The following DHX40 variants were observed in gnomAD, a reference collection of about 807,000 sequenced individuals.
The protein encoded by DHX40 is DEAH-box helicase 40.
A neutral mutation model predicts 89.6 loss-of-function variants in DHX40; 28 were observed. The ratio of observed to expected loss-of-function variants is 0.31; its 90% CI spans 0.23 to 0.43. The LOEUF is 0.43. Among genes scored for constraint, DHX40 ranks in the 20% least tolerant of loss-of-function variants. The pLI, the probability that DHX40 is intolerant of heterozygous loss-of-function variation, is 1.00. For missense variants in DHX40, 457 were observed against 844.0 expected, an observed-to-expected ratio of 0.54 and a Z score of 5.68; for synonymous variants, 226 against 283.6, an observed-to-expected ratio of 0.80 and a Z score of 2.04.
chr17:59,581,129 GT>G (rs574717711), intron 10 of DHX40, among the ~76,000 whole-genome samples: 1 of 147,794 alleles, frequency 6.8e-6, no homozygotes. Flanking sequence ...AAAGTGGAGT[GT>G]TTTTTTTGTA....
chr17:59,606,886 A>G (rs1484051623), intron 17 of DHX40, 147 bp from the exon 18 acceptor site: 5 of 740,136 alleles, frequency 6.8e-6, no homozygotes, highest in South Asian at 2.0e-5. Flanking sequence ...CATAGACTAC[A>G]TTGCTTTTGA....
chr17:59,576,778 TAGAC>T (rs976104803), intron 7 of DHX40, among the ~76,000 whole-genome samples: 9 of 152,172 alleles, frequency 5.9e-5, no homozygotes, highest in Non-Finnish European at 8.8e-5. Flanking sequence ...AATATGTACA[TAGAC>T]ATATATTATT....
intron 6 of DHX40, among the ~76,000 whole-genome samples, chr17:59,574,580 G>A (rs1025031868): frequency 4.7e-5 from 7 of 150,382 alleles, no homozygotes; most frequent in African/African-American, 1.7e-4. Flanking sequence ...TATGTCAAAT[G>A]TCAAAGACAT....
intron 14 of DHX40, among the ~76,000 whole-genome samples, chr17:59,602,108 T>G (rs1206269663): frequency 6.6e-6 from 1 of 152,176 alleles, no homozygotes; most frequent in Non-Finnish European, 1.5e-5. Flanking sequence ...AGTTGTGTCT[T>G]TGTGCACTTC....
chr17:59,605,253 CT>C, intron 16 of DHX40, 69 bp downstream of exon 16: 1 of 1,480,072 alleles, frequency 6.8e-7, no homozygotes, highest in Non-Finnish European at 9.4e-7. Flanking sequence ...ATACAAATGT[CT>C]TCTACTTTTC....
rs2048709345 is a variant in DHX40 at position 59,566,662 on chromosome 17, A to G, written c.148A>G (p.Thr50Ala). Reference sequence around the variant, plus strand: ...ATGCACGTCCCAGGAGGGAGGAACTACTCCAACTTTTCCTATTCAGAAACA... The same window carrying G: ...ATGCACGTCCCAGGAGGGAGGAACTGCTCCAACTTTTCCTATTCAGAAACA... ...KGCTSQEGGTTPTFPIQKQRK... is the reference protein window; with the variant it reads ...KGCTSQEGGTAPTFPIQKQRK... The change falls in exon 2 of 18, where the codon ACT (threonine) becomes GCT (alanine). Residue 50 changes from threonine (T) to alanine (A), a missense_variant. Transcript: ENST00000251241. 1.2e-6 allele frequency: 2 copies of G among 1,603,034 alleles called. No homozygotes were observed. Among genetic ancestry groups the G allele is most frequent in the African/African-American group, 2.7e-5 (2 of 74,054 alleles).
At chr17:59,571,469 A>T (rs914886510) in intron 3 of DHX40, among the ~76,000 whole-genome samples, 10 of 152,090 alleles carry the variant, frequency 6.6e-5, no homozygotes, top group Non-Finnish European at 1.5e-4. Context: ...AAAAAAAAAA[A>T]AAAATGTGTT....
At chr17:59,576,900 C>T (rs1186728703) in intron 7 of DHX40, among the ~76,000 whole-genome samples, 8 of 149,690 alleles carry the variant, frequency 5.3e-5, no homozygotes, top group African/African-American at 9.9e-5. Flanking sequence ...GATGGAGTCT[C>T]GCTCTGTCGC....
chr17:59,581,367 ATCT>A (rs1188216310), intron 10 of DHX40, among the ~76,000 whole-genome samples: 6 of 63,860 alleles, frequency 9.4e-5, no homozygotes, highest in Non-Finnish European at 1.5e-4. Context: ...GGAAAGTACT[ATCT>A]TCTTTATTTT....
intron 10 of DHX40, among the ~76,000 whole-genome samples, chr17:59,580,737 C>T (rs941572783): frequency 2.7e-5 from 4 of 150,752 alleles, no homozygotes; most frequent in South Asian, 2.1e-4. Context: ...CTGCAGTGAG[C>T]CATGATTGCA....
At chr17:59,591,089 A>G (rs1190144653) in intron 12 of DHX40, among the ~76,000 whole-genome samples, 1 of 151,556 alleles carries the variant, frequency 6.6e-6, no homozygotes, top group African/African-American at 2.4e-5. Flanking sequence ...CAGGTGGGTC[A>G]CCTGAGGTCA....
chr17:59,588,145 G>A, intron 12 of DHX40, 92 bp downstream of exon 12: 1 of 1,555,056 alleles, frequency 6.4e-7, no homozygotes, highest in Non-Finnish European at 8.7e-7. Flanking sequence ...CTTTGGGAGG[G>A]CAAGGCAGGT....
chr17:59,568,314 AG>A (rs531989164), intron 2 of DHX40, among the ~76,000 whole-genome samples: 38 of 152,336 alleles, frequency 2.5e-4, no homozygotes, highest in African/African-American at 8.9e-4. Flanking sequence ...TTCTGTCATA[AG>A]GTTTGTAAAG....
Position 59,599,497 on chromosome 17 carries a change from T to A in DHX40, c.1806+14T>A, listed in dbSNP as rs1567895628. ...AAGCTTAAACAGGTGATTGCCGTAA[T>A]GTTTTTTTTCTTGAGTAGCATTTTG... On this transcript the variant is annotated intron_variant, in intron 14 of 17. Transcript: ENST00000251241. 1 of 1,610,856 alleles carries A rather than the reference T, an allele frequency of 6.2e-7. No individual in the cohort carries two copies. Among genetic ancestry groups the A allele is most frequent in the East Asian group, 2.2e-5 (1 of 44,724 alleles).
At chr17:59,601,063 G>A (rs1598177457) in intron 14 of DHX40, among the ~76,000 whole-genome samples, 1 of 151,332 alleles carries the variant, frequency 6.6e-6, no homozygotes, top group East Asian at 1.9e-4. Flanking sequence ...TAGCACTTTG[G>A]GAAGCCGTAG....
intron 12 of DHX40, among the ~76,000 whole-genome samples, chr17:59,596,476 G>A (rs2030083484): frequency 6.6e-6 from 1 of 152,230 alleles, no homozygotes; most frequent in Admixed American, 6.5e-5. Flanking sequence ...GCTGAGACAG[G>A]AGAGTCCCTT....
chr17:59,571,371 G>A (rs1309583842), intron 3 of DHX40, among the ~76,000 whole-genome samples: 2 of 151,222 alleles, frequency 1.3e-5, no homozygotes, highest in Non-Finnish European at 2.9e-5. Context: ...GCAGGAAAAT[G>A]GCTTGAACCC....
intron 3 of DHX40, among the ~76,000 whole-genome samples, chr17:59,571,924 T>A (rs1194331895): frequency 1.3e-5 from 2 of 152,166 alleles, no homozygotes; most frequent in Non-Finnish European, 2.9e-5. Flanking sequence ...GGGTACCTCA[T>A]TCAAGTGGAA....
chr17:59,605,348 T>C, intron 16 of DHX40, 98 bp from the exon 17 acceptor site: 4 of 1,354,652 alleles, frequency 3.0e-6, no homozygotes, highest in Non-Finnish European at 4.1e-6. Flanking sequence ...TTGAAGAAGA[T>C]AGGAATTAAT....
Sources: allele counts gnomAD v4.1 joint callset (sites outside exome capture counted in the v4.1 genomes callset), GRCh38; gene constraint gnomAD v4.1.1; transcripts MANE v1.5; gene names NCBI Gene and HGNC (gene_info 2026-07-23, HGNC 2026-07-21).